RNF169: variants seen among roughly 807,000 people sequenced by gnomAD.
RNF169 encodes E3 ubiquitin-protein ligase RNF169.
A neutral mutation model predicts 53.9 loss-of-function variants in RNF169; 24 were observed. The observed-to-expected ratio is 0.45, with a 90% CI of 0.32 to 0.63. The LOEUF is 0.63. Among genes scored for constraint, RNF169 ranks in the 20% least tolerant of loss-of-function variants. RNF169 has a pLI of 0.04. For missense variants in RNF169, 883 were observed against 906.2 expected (o/e 0.97, Z 0.33); for synonymous variants, 396 against 363.5 (o/e 1.09, Z -1.02).
chr11:74,775,180 G>C (rs1360297712), intron 1 of RNF169, among the ~76,000 whole-genome samples: 1 of 152,142 alleles, frequency 6.6e-6, no homozygotes, highest in East Asian at 1.9e-4. Context: ...GGAAGAAATT[G>C]ATGGTGCTGG....
At chr11:74,779,788 CACTT>C (rs1324189281) in intron 1 of RNF169, among the ~76,000 whole-genome samples, 1 of 152,108 alleles carries the variant, frequency 6.6e-6, no homozygotes, top group Non-Finnish European at 1.5e-5. Flanking sequence ...TTTCTCCTTT[CACTT>C]ACTTCATTTG....
At chr11:74,821,361 A>G (rs2036006619) in intron 4 of RNF169, among the ~76,000 whole-genome samples, 1 of 152,098 alleles carries the variant, frequency 6.6e-6, no homozygotes, top group African/African-American at 2.4e-5. Flanking sequence ...GCCATCAGTA[A>G]AAGAATACAA....
rs2135127432 is a variant in RNF169, at chr11:74,817,704, T to G, written c.832T>G (p.Phe278Val). The G allele has an allele frequency of 6.2e-7, 1 of 1,607,122 alleles. No homozygotes were observed. The highest frequency in any genetic ancestry group is 8.5e-7 in the Non-Finnish European group (1 of 1,173,588). Residue 278 changes from phenylalanine (F) to valine (V), a missense_variant, in exon 4 of 6, where the codon TTC becomes GTC. Physicochemically the swap from Phe to Val is conservative, Grantham distance 50. Around this residue, in one of 3 missense-constraint regions of RNF169, gnomAD observed 219 missense variants for 289.1 expected, o/e 0.76. Coordinates refer to ENST00000299563, the MANE Select transcript of RNF169 (RefSeq NM_001098638.2). ...VSKNNSYSLA[F>V]LAGKLNSKVE... ...CAAGAACAACTCCTACTCCTTAGCT[T>G]TCCTGGCAGGGTAAGAGACTGATGC...
intron 1 of RNF169, among the ~76,000 whole-genome samples, chr11:74,763,351 C>T (rs562225693): frequency 4.6e-5 from 7 of 152,066 alleles, no homozygotes; most frequent in East Asian, 1.9e-4. Context: ...GTACCACAAA[C>T]GAGAGTCAGC....
intron 2 of RNF169, among the ~76,000 whole-genome samples, chr11:74,792,546 C>T (rs1473210020): frequency 4.6e-5 from 7 of 152,030 alleles, no homozygotes; most frequent in African/African-American, 1.4e-4. Flanking sequence ...GGACTACAGG[C>T]GTGTGCCACC....
chr11:74,808,207 G>T (rs2135114450), intron 2 of RNF169: 1 of 151,620 alleles, frequency 6.6e-6, no homozygotes, highest in East Asian at 1.9e-4. Context: ...ATAAAATTAA[G>T]AAAAAAATAA....
chr11:74,771,350 A>G (rs1274887664), intron 1 of RNF169, among the ~76,000 whole-genome samples: 1 of 152,226 alleles, frequency 6.6e-6, no homozygotes, highest in Non-Finnish European at 1.5e-5. Flanking sequence ...ATGACATGAC[A>G]AGTGGAAAAT....
Position 74,749,304 on chromosome 11 carries a change from C to G in RNF169, c.424C>G (p.Arg142Gly), listed in dbSNP as rs1297709894. 1 of 1,179,480 alleles carries G rather than the reference C, an allele frequency of 8.5e-7. No individual in the cohort carries two copies. 73.1% of individuals were successfully genotyped at this position (1,179,480 alleles called of 1,614,324 possible). The stretch of plus-strand genomic sequence containing the variant: ...CCGCCGCAGCCAACCCGAGCGCTGC[C>G]GCCCGCGCCGGGACGGGGGCGCGGC... ...CARRSQPERC[R>G]PRRDGGAAAA... The change falls in exon 1 of 6, where the codon CGC becomes GGC. Residue 142 changes from arginine to glycine, a missense_variant. Physicochemically the swap from Arg to Gly is moderately radical, Grantham distance 125 (BLOSUM62 -2). Around this residue, in one of 3 missense-constraint regions of RNF169, gnomAD observed 313 missense variants for 279.9 expected, o/e 1.12. Coordinates refer to ENST00000299563, the MANE Select transcript of RNF169 (RefSeq NM_001098638.2).
At chr11:74,818,321 A>C (rs909901132) in intron 4 of RNF169, among the ~76,000 whole-genome samples, 2 of 152,214 alleles carry the variant, frequency 1.3e-5, no homozygotes, top group African/African-American at 4.8e-5. Context: ...GGACTCATGC[A>C]TACATTCATT....
chr11:74,763,743 TGGA>T (rs1468707777), intron 1 of RNF169, among the ~76,000 whole-genome samples: 3 of 151,878 alleles, frequency 2.0e-5, no homozygotes, highest in African/African-American at 7.3e-5. Flanking sequence ...AAAAAAAATG[TGGA>T]GGAGATGTGG....
intron 4 of RNF169, chr11:74,831,436 C>G (rs1012046531): frequency 1.3e-5 from 2 of 152,102 alleles, no homozygotes; most frequent in Non-Finnish European, 2.9e-5. Flanking sequence ...AATTTAACCG[C>G]AGTAGTGCAA....
intron 4 of RNF169, among the ~76,000 whole-genome samples, chr11:74,818,857 CTTTT>C (rs1454555713): frequency 6.6e-6 from 1 of 152,048 alleles, no homozygotes; most frequent in South Asian, 2.1e-4. Flanking sequence ...CATTTTGGGG[CTTTT>C]TTGTTTGTTT....
rs1253295648 is a variant in RNF169 at position 74,749,273 on chromosome 11, G to C, written c.393G>C (p.Glu131Asp). 8.8e-7 allele frequency: 1 copy of C among 1,142,426 alleles called. No homozygotes were observed. Among genetic ancestry groups the C allele is most frequent in the Non-Finnish European group, 1.1e-6 (1 of 931,622 alleles). The allele number at this position is 1,142,426 out of a possible 1,614,324, so 70.8% of individuals were successfully genotyped here. A position where few individuals can be genotyped will look rare whatever the true frequency, so the allele number is the denominator to read the frequency against. ...DGQADSEVLG[E>D]CARRSQPERC... is the part of the protein sequence containing the mutation. Reference sequence around the variant, plus strand: ...AGGCCGACTCAGAGGTGCTGGGCGAGTGCGCCCGCCGCAGCCAACCCGAGC... The same window carrying C: ...AGGCCGACTCAGAGGTGCTGGGCGACTGCGCCCGCCGCAGCCAACCCGAGC... Residue 131 changes from glutamate to aspartate, a missense_variant, in exon 1 of 6, where the codon GAG becomes GAC. Glu to Asp is a conservative substitution (Grantham distance 45). Around this residue, in one of 3 missense-constraint regions of RNF169, gnomAD observed 313 missense variants for 279.9 expected, o/e 1.12. Coordinates refer to ENST00000299563, the MANE Select transcript of RNF169 (RefSeq NM_001098638.2).
intron 1 of RNF169, among the ~76,000 whole-genome samples, chr11:74,772,529 G>A (rs74940784): frequency 0.075 from 9,583 of 126,938 alleles, 412 homozygotes; most frequent in Middle Eastern, 0.18. Flanking sequence ...GCCCTATACT[G>A]TAAAGCTCTT....
intron 4 of RNF169, among the ~76,000 whole-genome samples, chr11:74,822,822 A>G (rs1391612690): frequency 1.3e-5 from 2 of 152,230 alleles, no homozygotes; most frequent in Admixed American, 1.3e-4. Context: ...CTTAAGGGAT[A>G]GAAAGAGGTT....
At position 74,749,163 on chromosome 11, in the gene RNF169, G is replaced by T. The variant is rs1365360364; in HGVS notation, c.283G>T (p.Ala95Ser). The T allele has an allele frequency of 2.4e-6, 3 of 1,246,454 alleles. No individual in the cohort carries two copies. In the East Asian group the frequency reaches 9.8e-5, roughly 41 times the overall value. 77.2% of individuals were successfully genotyped at this position (1,246,454 alleles called of 1,614,324 possible). The change falls in exon 1 of 6, where the codon GCC becomes TCC. Residue 95 changes from alanine to serine, a missense_variant. Physicochemically the swap from Ala to Ser is moderately conservative, Grantham distance 99 (BLOSUM62 1). This residue lies in a region of RNF169 where 313 missense variants were observed against 279.9 expected (regional missense o/e 1.12). Transcript: ENST00000299563. The stretch of plus-strand genomic sequence containing the variant: ...GCTTTGCCGAGGCTGCGCCCAACGC[G>T]CCGCCGACGCGGCGGGCCCGGGTTG... ...HSLCRGCAQR[A>S]ADAAGPGCPR...
intron 2 of RNF169, among the ~76,000 whole-genome samples, chr11:74,804,720 C>T (rs766461572): frequency 3.1e-4 from 47 of 152,106 alleles, no homozygotes; most frequent in Non-Finnish European, 5.3e-4. Context: ...CTCTTTTATA[C>T]CAGTTAGCCT....
intron 3 of RNF169, among the ~76,000 whole-genome samples, chr11:74,813,908 T>C (rs2035908067): frequency 6.6e-6 from 1 of 152,108 alleles, no homozygotes; most frequent in Admixed American, 6.5e-5. Flanking sequence ...GCCAGGATGG[T>C]CTCGATCTCT....
chr11:74,749,472 T>G, intron 1 of RNF169, 90 bp downstream of exon 1: 3 of 1,042,224 alleles, frequency 2.9e-6, no homozygotes, highest in Non-Finnish European at 2.4e-6. Flanking sequence ...TCCCGGGCCC[T>G]ACTCGGGCGG....
Sources: allele counts gnomAD v4.1 joint callset (sites outside exome capture counted in the v4.1 genomes callset), GRCh38; gene constraint gnomAD v4.1.1; regional missense constraint gnomAD v4.1.1; transcripts MANE v1.5; gene names NCBI Gene and HGNC (gene_info 2026-07-23, HGNC 2026-07-21).